The following DTNB variants were observed in gnomAD, a reference collection of about 807,000 sequenced individuals.
DTNB encodes dystrobrevin beta, also known as DTN-B.
DTNB carries 63 observed loss-of-function variants against 90.7 expected under a neutral mutation model. The ratio of observed to expected loss-of-function variants is 0.69; its 90% CI spans 0.57 to 0.86. The LOEUF is 0.86. Ranked by LOEUF, DTNB falls within the 40% of genes least tolerant of loss-of-function variation. DTNB has a pLI of 0.00. For missense variants in DTNB, 744 were observed against 807.1 expected, an observed-to-expected ratio of 0.92 and a Z score of 0.95; for synonymous variants, 277 against 286.7, an observed-to-expected ratio of 0.97 and a Z score of 0.34.
At chr2:25,472,254 G>C (rs1325294188) in intron 10 of DTNB, among the ~76,000 whole-genome samples, 5 of 152,182 alleles carry the variant, frequency 3.3e-5, no homozygotes. Flanking sequence ...TATAGTTTTA[G>C]GGTGTTACGG....
At chr2:25,667,029 G>A (rs1461345789) in intron 1 of DTNB, among the ~76,000 whole-genome samples, 1 of 151,916 alleles carries the variant, frequency 6.6e-6, no homozygotes, top group African/African-American at 2.4e-5. Context: ...CAAAGGGCAG[G>A]ACCCTTGACC....
intron 8 of DTNB, among the ~76,000 whole-genome samples, chr2:25,568,623 A>G (rs983697823): frequency 3.3e-5 from 5 of 152,242 alleles, no homozygotes; most frequent in African/African-American, 1.2e-4. Context: ...TTAGTAGGAA[A>G]ACATAATAAT....
intron 11 of DTNB, among the ~76,000 whole-genome samples, chr2:25,452,895 T>A (rs191160644): frequency 1.6e-3 from 238 of 152,278 alleles, no homozygotes; most frequent in African/African-American, 5.4e-3. Context: ...TTCAGGATGA[T>A]CACCCTCTCA....
chr2:25,599,011 T>C (rs1487510761), intron 5 of DTNB: 1 of 151,944 alleles, frequency 6.6e-6, no homozygotes, highest in Non-Finnish European at 1.5e-5. Context: ...AATTAGACTG[T>C]TAATGACCGG....
At chr2:25,394,906 A>G (rs1323258750) in intron 16 of DTNB, among the ~76,000 whole-genome samples, 2 of 152,260 alleles carry the variant, frequency 1.3e-5, no homozygotes, top group Non-Finnish European at 2.9e-5. Context: ...GAAGTAAGTC[A>G]TTATACAAAA....
At chr2:25,410,775 G>A (rs1284752970) in intron 16 of DTNB, among the ~76,000 whole-genome samples, 3 of 152,102 alleles carry the variant, frequency 2.0e-5, no homozygotes, top group South Asian at 2.1e-4. Flanking sequence ...TGGAATGTGC[G>A]ATAAAAAGAA....
Position 25,529,878 on chromosome 2 carries a change from A to G in DTNB, c.1001+1595T>C, listed in dbSNP as rs2077833379. On this transcript the variant is annotated intron_variant, in intron 9 of 20. Transcript: ENST00000406818. ...TATGGTTATCGAAGAGAATAGAAAC[A>G]TTCTCAGCTTTGACAACATAAAAAT... Among the ~76,000 whole-genome samples, 5 of 152,234 alleles carry G rather than the reference A, an allele frequency of 3.3e-5. No homozygotes were observed. The South Asian group carries it at 1.0e-3, about 32-fold the overall frequency.
intron 4 of DTNB, among the ~76,000 whole-genome samples, chr2:25,616,776 C>CA (rs562973838): frequency 1.1e-4 from 16 of 150,996 alleles, no homozygotes; most frequent in Non-Finnish European, 2.1e-4. Flanking sequence ...ACTAAAAATA[C>CA]AAAAAATTAG....
chr2:25,656,907 C>T (rs1266426039), intron 1 of DTNB, among the ~76,000 whole-genome samples: 1 of 152,224 alleles, frequency 6.6e-6, no homozygotes, highest in African/African-American at 2.4e-5. Context: ...GGTGCAGTGG[C>T]TCACGCCTGT....
rs142189511 is a variant in DTNB, at chr2:25,518,497, A to T, written c.1001+12976T>A. 5.0e-3 allele frequency among the ~76,000 whole-genome samples: 758 copies of T among 151,716 alleles called. 4 individuals carry two copies. Among genetic ancestry groups the T allele is most frequent in the African/African-American group, 0.015 (615 of 41,374 alleles). On this transcript the variant is annotated intron_variant, in intron 9 of 20. Coordinates refer to ENST00000406818, the MANE Select transcript of DTNB (RefSeq NM_021907.5). ...TCACATAAGCATCCCTCTGTCTCTC[A>T]CACACACACACAGAGGTACCACACA... is the stretch of plus-strand genomic sequence containing the variant.
At chr2:25,602,313 C>A (rs556034500) in intron 5 of DTNB, among the ~76,000 whole-genome samples, 1 of 152,004 alleles carries the variant, frequency 6.6e-6, no homozygotes, top group South Asian at 2.1e-4. Context: ...TCCCCTTATT[C>A]ATAAAATACA....
chr2:25,377,961 T>C (rs2036338061), intron 20 of DTNB, among the ~76,000 whole-genome samples: 1 of 152,152 alleles, frequency 6.6e-6, no homozygotes, highest in South Asian at 2.1e-4. Flanking sequence ...CTCTCGGCTG[T>C]TGGTGTTTCT....
At chr2:25,426,121 T>A (rs529592951) in intron 15 of DTNB, among the ~76,000 whole-genome samples, 4 of 152,216 alleles carry the variant, frequency 2.6e-5, no homozygotes, top group Admixed American at 6.5e-5. Context: ...ATAGTGAAGT[T>A]ACTGATTAGA....
chr2:25,622,121 G>A lies in DTNB; in HGVS notation c.362+6050C>T, dbSNP rs551851962. Among the ~76,000 whole-genome samples, 34 of 151,770 alleles carry A rather than the reference G, an allele frequency of 2.2e-4. No individual in the cohort carries two copies. The South Asian group carries it at 7.1e-3, about 32-fold the overall frequency. ...TTTGGTAAAGGCCACAGACTCATTT[G>A]TAAAACATAAATGGATGAAATATAT... On this transcript the variant is annotated intron_variant, in intron 4 of 20. Coordinates refer to ENST00000406818, the MANE Select transcript of DTNB (RefSeq NM_021907.5).
At chr2:25,585,103 G>T (rs1162624862) in intron 6 of DTNB, among the ~76,000 whole-genome samples, 1 of 151,872 alleles carries the variant, frequency 6.6e-6, no homozygotes, top group Non-Finnish European at 1.5e-5. Flanking sequence ...CACATTCTTT[G>T]CATTTCTCCT....
intron 12 of DTNB, among the ~76,000 whole-genome samples, chr2:25,447,818 T>C (rs938496789): frequency 1.3e-5 from 2 of 152,082 alleles, no homozygotes; most frequent in African/African-American, 4.8e-5. Context: ...CTAGTTATCT[T>C]TTATACAACA....
At chr2:25,607,985 T>C (rs2067508410) in intron 4 of DTNB, among the ~76,000 whole-genome samples, 1 of 152,142 alleles carries the variant, frequency 6.6e-6, no homozygotes, top group Non-Finnish European at 1.5e-5. Flanking sequence ...AAGGTAATGC[T>C]GCACACCACC....
chr2:25,537,516 G>C (rs990705043), intron 8 of DTNB, among the ~76,000 whole-genome samples: 2 of 152,170 alleles, frequency 1.3e-5, no homozygotes, highest in Non-Finnish European at 2.9e-5. Flanking sequence ...CATGTAATTA[G>C]AGTATTAACT....
intron 8 of DTNB, among the ~76,000 whole-genome samples, chr2:25,535,521 T>TTCC (rs1411098186): frequency 5.2e-5 from 5 of 95,322 alleles, no homozygotes; most frequent in South Asian, 4.0e-4. Context: ...CGCTCTTCAC[T>TTCC]TCCCAGACGG....
Sources: allele counts gnomAD v4.1 joint callset (sites outside exome capture counted in the v4.1 genomes callset), GRCh38; gene constraint gnomAD v4.1.1; transcripts MANE v1.5; gene names NCBI Gene and HGNC (gene_info 2026-07-23, HGNC 2026-07-21).